Variants in CHCHD6 observed in about 807,000 individuals in gnomAD.
CHCHD6 encodes the protein coiled-coil-helix-coiled-coil-helix domain containing 6, also known as MICOS complex subunit MIC25.
In CHCHD6, 28 loss-of-function variants were observed where a neutral mutation model predicts 32.3. That is an observed-to-expected ratio of 0.87 (90% CI 0.64 to 1.19). The LOEUF (loss-of-function observed/expected upper bound fraction) is 1.19. Ranked by LOEUF, CHCHD6 falls within the 50% of genes most tolerant of loss-of-function variation. CHCHD6 has a pLI of 0.00. For missense variants in CHCHD6, 333 were observed against 307.0 expected, an observed-to-expected ratio of 1.08 and a Z score of -0.63; for synonymous variants, 122 against 117.5, an observed-to-expected ratio of 1.04 and a Z score of -0.25.
At chr3:126,959,229 T>C (rs1439090778) in intron 7 of CHCHD6, among the ~76,000 whole-genome samples, 2 of 152,214 alleles carry the variant, frequency 1.3e-5, no homozygotes, top group Admixed American at 1.3e-4. Context: ...CACTGCCAGG[T>C]CTGGCTCCCT....
chr3:126,757,718 C>T (rs182495930), intron 4 of CHCHD6, among the ~76,000 whole-genome samples: 8 of 152,206 alleles, frequency 5.3e-5, no homozygotes, highest in Admixed American at 4.6e-4. Flanking sequence ...GCCACAGAAG[C>T]GAGTAAGAAA....
intron 6 of CHCHD6, among the ~76,000 whole-genome samples, chr3:126,956,833 TA>T (rs1481877987): frequency 6.6e-6 from 1 of 152,214 alleles, no homozygotes; most frequent in Non-Finnish European, 1.5e-5. Context: ...CTCTAAGAAG[TA>T]AAAAGAACAT....
At chr3:126,790,438 T>C (rs1283384864) in intron 4 of CHCHD6, among the ~76,000 whole-genome samples, 1 of 152,252 alleles carries the variant, frequency 6.6e-6, no homozygotes, top group Non-Finnish European at 1.5e-5. Flanking sequence ...GGTTCCATTC[T>C]CCCTGTCACT....
At chr3:126,874,058 T>G (rs191034068) in intron 5 of CHCHD6, among the ~76,000 whole-genome samples, 14 of 152,306 alleles carry the variant, frequency 9.2e-5, no homozygotes, top group Admixed American at 4.6e-4. Flanking sequence ...CTGTAATTAC[T>G]CTGGATCCCG....
At chr3:126,762,363 A>G (rs555628262) in intron 4 of CHCHD6, among the ~76,000 whole-genome samples, 2 of 152,260 alleles carry the variant, frequency 1.3e-5, no homozygotes, top group South Asian at 2.1e-4. Flanking sequence ...ATTTCAAGTT[A>G]TATCCTAATT....
At chr3:126,917,542 C>A (rs1326248559) in intron 6 of CHCHD6, among the ~76,000 whole-genome samples, 2 of 152,206 alleles carry the variant, frequency 1.3e-5, no homozygotes, top group Non-Finnish European at 1.5e-5. Flanking sequence ...AAACAGGACA[C>A]ACTCTTTAAT....
chr3:126,801,291 G>A (rs1437114857), intron 4 of CHCHD6, among the ~76,000 whole-genome samples: 1 of 152,196 alleles, frequency 6.6e-6, no homozygotes, highest in Non-Finnish European at 1.5e-5. Context: ...AAGGGGTCAG[G>A]GAGTTCCCTT....
chr3:126,886,460 C>G (rs924947701), intron 5 of CHCHD6, among the ~76,000 whole-genome samples: 2 of 152,216 alleles, frequency 1.3e-5, no homozygotes, highest in African/African-American at 4.8e-5. Context: ...CAGTAGCCAT[C>G]TGAGTTATCA....
At chr3:126,813,249 A>G (rs1939738500) in intron 4 of CHCHD6, among the ~76,000 whole-genome samples, 1 of 152,240 alleles carries the variant, frequency 6.6e-6, no homozygotes, top group Admixed American at 6.5e-5. Context: ...TCTTTTGTTA[A>G]AAGAGATGCT....
intron 6 of CHCHD6, among the ~76,000 whole-genome samples, chr3:126,940,535 T>C (rs550510899): frequency 6.6e-6 from 1 of 152,328 alleles, no homozygotes; most frequent in East Asian, 1.9e-4. Flanking sequence ...TGTGTGCTTA[T>C]ATGTTTAAAT....
At chr3:126,714,329 T>C (rs1934907003) in intron 1 of CHCHD6, among the ~76,000 whole-genome samples, 1 of 152,118 alleles carries the variant, frequency 6.6e-6, no homozygotes, top group Non-Finnish European at 1.5e-5. Context: ...CCTGTCCGAC[T>C]CCTGTGGGCA....
rs370829758 is a variant in CHCHD6 at position 126,898,406 on chromosome 3, A to G, written c.496-16274A>G. Among the ~76,000 whole-genome samples, 31 of 152,340 alleles carry G rather than the reference A, an allele frequency of 2.0e-4. 1 individual carries two copies. The South Asian group carries it at 6.0e-3, about 29-fold the overall frequency. ...GGGCCCGCATCTGGCCAGCTGGGGC[A>G]CCGAGGAGACATGGGGACTGGAGAG... On this transcript the variant is annotated intron_variant, in intron 5 of 7. Coordinates refer to ENST00000290913, the MANE Select transcript of CHCHD6 (RefSeq NM_032343.3).
At chr3:126,803,198 A>G (rs372523867) in intron 4 of CHCHD6, among the ~76,000 whole-genome samples, 4 of 152,168 alleles carry the variant, frequency 2.6e-5, no homozygotes, top group Non-Finnish European at 4.4e-5. Flanking sequence ...TGACAGGATC[A>G]AATTCACACA....
rs568728442 is a variant in CHCHD6 at position 126,949,396 on chromosome 3, AG to A, written c.567-8018del. ...CACCTGCCATGGACGGAAAAAGGGAAGGCTGCACCAACAGGTCTGCCGTGGA... is the reference window on the plus strand; with the variant it reads ...CACCTGCCATGGACGGAAAAAGGGAAGCTGCACCAACAGGTCTGCCGTGGA... On this transcript the variant is annotated intron_variant, in intron 6 of 7. Coordinates refer to ENST00000290913, the MANE Select transcript of CHCHD6 (RefSeq NM_032343.3). 2.9e-4 allele frequency: 67 copies of A among 227,830 alleles called. No individual in the cohort carries two copies. The South Asian group carries it at 3.2e-3, about 11-fold the overall frequency. The allele number at this position is 227,830 out of a possible 1,614,324, so 14.1% of individuals were successfully genotyped here. A position where few individuals can be genotyped will look rare whatever the true frequency, so the allele number is the denominator to read the frequency against.
intron 4 of CHCHD6, among the ~76,000 whole-genome samples, chr3:126,827,642 C>T (rs1358278163): frequency 1.3e-5 from 2 of 152,178 alleles, no homozygotes; most frequent in African/African-American, 4.8e-5. Context: ...TTCTGAGATG[C>T]CACTGTCATC....
chr3:126,730,654 C>G lies in CHCHD6; in HGVS notation c.266+24C>G, dbSNP rs770159472. On this transcript the variant is annotated intron_variant, in intron 3 of 7. Coordinates refer to ENST00000290913, the MANE Select transcript of CHCHD6 (RefSeq NM_032343.3). ...AGGTGAGCCCGAGAGCCTGCTTGCT[C>G]CCGGCACTGCGCTCCGCCTAAAAGC... 2.5e-6 allele frequency: 4 copies of G among 1,602,434 alleles called. No individual in the cohort carries two copies. The African/African-American group carries it at 5.4e-5, about 21-fold the overall frequency.
chr3:126,776,271 A>G (rs1937645791), intron 4 of CHCHD6, among the ~76,000 whole-genome samples: 1 of 152,184 alleles, frequency 6.6e-6, no homozygotes, highest in Non-Finnish European at 1.5e-5. Context: ...TGGGTACTCT[A>G]TGTCACTGCC....
chr3:126,946,258 G>A (rs1474619652), intron 6 of CHCHD6, among the ~76,000 whole-genome samples: 1 of 152,222 alleles, frequency 6.6e-6, no homozygotes, highest in Non-Finnish European at 1.5e-5. Flanking sequence ...CCAAAGCCCA[G>A]AAAGCGCCCC....
intron 6 of CHCHD6, among the ~76,000 whole-genome samples, chr3:126,952,739 A>T (rs1174291402): frequency 6.6e-6 from 1 of 152,084 alleles, no homozygotes; most frequent in African/African-American, 2.4e-5. Flanking sequence ...TGTGTTTTGG[A>T]TGGAGTGCGG....
Sources: allele counts gnomAD v4.1 joint callset (sites outside exome capture counted in the v4.1 genomes callset), GRCh38; gene constraint gnomAD v4.1.1; transcripts MANE v1.5; gene names NCBI Gene and HGNC (gene_info 2026-07-23, HGNC 2026-07-21).